Variants in DOCK11 observed in about 807,000 individuals in gnomAD.
The protein encoded by DOCK11 is dedicator of cytokinesis protein 11.
DOCK11 carries 70 observed loss-of-function variants against 169.1 expected under a neutral mutation model. The observed-to-expected ratio is 0.41, with a 90% confidence interval of 0.34 to 0.51. The LOEUF is 0.51. Among genes scored for constraint, DOCK11 ranks in the 20% least tolerant of loss-of-function variants. The pLI is 0.10. For synonymous variants in DOCK11, 529 were observed against 541.3 expected (o/e 0.98, Z 0.32); for missense variants, 1,166 against 1,538.8 (o/e 0.76, Z 4.05).
At chrX:118,627,695 A>G (rs1053837100) in intron 33 of DOCK11, 116 bp downstream of exon 33, 7 of 526,065 alleles carry the variant, frequency 1.3e-5, no homozygotes, top group Non-Finnish European at 2.2e-5. Context: ...GATCTCTACT[A>G]AAGTTTAATT....
chrX:118,624,729 A>G (rs2015056937), intron 32 of DOCK11, 74 bp downstream of exon 32: 1 of 536,750 alleles, frequency 1.9e-6, no homozygotes. Flanking sequence ...GTCATATGCT[A>G]TATGATCTCA....
intron 6 of DOCK11, among the ~76,000 whole-genome samples, chrX:118,550,921 G>A: frequency 1.8e-5 from 2 of 111,583 alleles, no homozygotes; most frequent in South Asian, 7.5e-4. Context: ...TACTAATGAA[G>A]CTCATAAGCA....
rs187980441 is a variant in DOCK11, at chrX:118,553,851, T to C, written c.559-7532T>C. Among the ~76,000 whole-genome samples the C allele has an allele frequency of 1.7e-3, 190 of 112,576 alleles. 1 individual carries two copies. The highest frequency in any genetic ancestry group is 5.9e-3 in the African/African-American group (183 of 30,995). On this transcript the variant is annotated intron_variant, in intron 6 of 52. Coordinates refer to ENST00000276202, the MANE Select transcript of DOCK11 (RefSeq NM_144658.4). The stretch of plus-strand genomic sequence containing the variant: ...TCTTACAGCTAACAAATGGATTGCA[T>C]TCATTTATTATGCATAAGATTTTTT...
rs2013943987 is a variant in DOCK11 at position 118,590,238 on chromosome X, T to C, written c.2075T>C (p.Val692Ala). ...KCIYGKPAGS[V>A]FTTNAYAVVS... ...ATTTATGGAAAACCTGCAGGGTCTGTTTTTACCACAAATGCTTATGCTGTT... is the reference window on the plus strand; with the variant it reads ...ATTTATGGAAAACCTGCAGGGTCTGCTTTTACCACAAATGCTTATGCTGTT... The change falls in exon 19 of 53, where the codon GTT becomes GCT. Residue 692 changes from valine to alanine, a missense_variant. Coordinates refer to ENST00000276202, the MANE Select transcript of DOCK11 (RefSeq NM_144658.4). 2.5e-6 allele frequency: 3 copies of C among 1,209,200 alleles called. No individual in the cohort carries two copies. In the South Asian group the frequency reaches 5.3e-5, roughly 21 times the overall value.
chrX:118,607,053 CTTTCCT>C (rs1360985577), intron 24 of DOCK11, among the ~76,000 whole-genome samples: 5 of 106,448 alleles, frequency 4.7e-5, no homozygotes, highest in East Asian at 2.9e-4. Context: ...TTTCCCTTTC[CTTTCCT>C]TTTCCTTTTC....
chrX:118,531,039 T>G (rs1185457201), intron 1 of DOCK11, among the ~76,000 whole-genome samples: 1 of 111,809 alleles, frequency 8.9e-6, no homozygotes, highest in Non-Finnish European at 1.9e-5. Flanking sequence ...CCTCAAGCAT[T>G]GAAAACTAAC....
intron 1 of DOCK11, among the ~76,000 whole-genome samples, chrX:118,526,117 A>T (rs748275033): frequency 3.6e-5 from 4 of 112,074 alleles, no homozygotes; most frequent in Non-Finnish European, 5.6e-5. Flanking sequence ...TTCCCAGGCC[A>T]TGACATCTTG....
chrX:118,659,077 C>T (rs1432709630), intron 44 of DOCK11, among the ~76,000 whole-genome samples: 1 of 111,673 alleles, frequency 9.0e-6, no homozygotes, highest in Non-Finnish European at 1.9e-5. Flanking sequence ...CTCATTCTTT[C>T]CTAGTCATAG....
chrX:118,516,408 TCCTCCCCTCC>T (rs57007866), intron 1 of DOCK11, among the ~76,000 whole-genome samples: 17 of 90,395 alleles, frequency 1.9e-4, no homozygotes, highest in African/African-American at 5.6e-4. Flanking sequence ...TCCTCTCCTC[TCCTCCCCTCC>T]CCTCCCCTCC....
chrX:118,518,445 G>A (rs2057702883), intron 1 of DOCK11, among the ~76,000 whole-genome samples: 1 of 111,499 alleles, frequency 9.0e-6, no homozygotes, highest in East Asian at 2.8e-4. Flanking sequence ...GGTGGTCTCT[G>A]CCTGTAGTCT....
At chrX:118,642,189 G>A (rs2015551733) in intron 39 of DOCK11, among the ~76,000 whole-genome samples, 1 of 111,996 alleles carries the variant, frequency 8.9e-6, no homozygotes, top group Non-Finnish European at 1.9e-5. Flanking sequence ...ATCTCATGAT[G>A]TACATTGTAT....
chrX:118,543,623 A>T, intron 4 of DOCK11, 30 bp downstream of exon 4: 1 of 1,135,921 alleles, frequency 8.8e-7, no homozygotes, highest in Non-Finnish European at 1.2e-6. Context: ...GAAACATGCA[A>T]CAGGAGAATT....
intron 9 of DOCK11, among the ~76,000 whole-genome samples, chrX:118,566,982 G>A (rs180851002): frequency 6.6e-4 from 74 of 112,206 alleles, no homozygotes; most frequent in African/African-American, 2.1e-3. Context: ...AAAGGATAAT[G>A]ATGCAGCTCA....
intron 26 of DOCK11, 74 bp from the exon 27 acceptor site, chrX:118,609,204 A>G (rs781763591): frequency 2.7e-6 from 2 of 745,924 alleles, no homozygotes; most frequent in South Asian, 2.4e-5. Flanking sequence ...GACAAGACCC[A>G]TATTGATCTG....
intron 11 of DOCK11, 52 bp downstream of exon 11, chrX:118,572,515 GT>G: frequency 3.7e-6 from 4 of 1,094,679 alleles, no homozygotes; most frequent in Non-Finnish European, 4.9e-6. Context: ...TTAAAGAAAT[GT>G]CTTTCTCAAA....
At chrX:118,599,685 A>G (rs1340625554) in intron 23 of DOCK11, among the ~76,000 whole-genome samples, 1 of 112,174 alleles carries the variant, frequency 8.9e-6, no homozygotes, top group Admixed American at 9.5e-5. Flanking sequence ...GCATGTTGGC[A>G]TATTGTATCT....
rs1569441331 is a variant in DOCK11 at position 118,648,207 on chromosome X, T to TAATAGTAATATATAA, written c.4399-738_4399-737insAATAGTAATATATAA. Among the ~76,000 whole-genome samples the TAATAGTAATATATAA allele has an allele frequency of 5.1e-3, 269 of 53,217 alleles. 1 individual carries two copies. The highest frequency in any genetic ancestry group is 0.028 in the African/African-American group (254 of 9,010). The allele number at this position is 53,217 out of a possible 115,157, so 46.2% of individuals were successfully genotyped here. ...ATATATAATAATATAATATATAATATTATAATATTATATAATAATATAATA... is the reference window on the plus strand; with the variant it reads ...ATATATAATAATATAATATATAATATAATAGTAATATATAATATAATATTATATAATAATATAATA... On this transcript the variant is annotated intron_variant, in intron 40 of 52. Coordinates refer to ENST00000276202, the MANE Select transcript of DOCK11 (RefSeq NM_144658.4).
chrX:118,582,120 T>C (rs1313455422), intron 14 of DOCK11, among the ~76,000 whole-genome samples: 1 of 110,680 alleles, frequency 9.0e-6, no homozygotes, highest in African/African-American at 3.3e-5. Flanking sequence ...ACAGCAAGAC[T>C]CTGTCTCGGG....
intron 6 of DOCK11, among the ~76,000 whole-genome samples, chrX:118,553,168 T>C (rs2012561474): frequency 9.0e-6 from 1 of 111,575 alleles, no homozygotes; most frequent in Non-Finnish European, 1.9e-5. Context: ...AGACCCCTAT[T>C]CATTTACATT....
Sources: gnomAD v4.1 joint callset for allele counts (sites outside exome capture counted in the v4.1 genomes callset) on GRCh38, gnomAD v4.1.1 for gene constraint, MANE v1.5 for transcripts, NCBI Gene and HGNC (gene_info 2026-07-23, HGNC 2026-07-21) for gene names.